Variants in AGPAT3 observed in about 807,000 individuals in gnomAD.
AGPAT3 encodes 1-acyl-sn-glycerol-3-phosphate acyltransferase gamma.
AGPAT3 carries 5 observed loss-of-function variants against 47.3 expected under a neutral mutation model. That is an observed-to-expected ratio of 0.11 (90% CI 0.06 to 0.22). The LOEUF is 0.22. Ranked by LOEUF, AGPAT3 falls within the 10% of genes least tolerant of loss-of-function variation. The pLI is 1.00. For missense variants in AGPAT3, 315 were observed against 493.0 expected (o/e 0.64, Z 3.42); for synonymous variants, 212 against 208.3 (o/e 1.02, Z -0.15).
intron 1 of AGPAT3, among the ~76,000 whole-genome samples, chr21:43,895,835 C>T (rs564681490): frequency 6.6e-6 from 1 of 152,044 alleles, no homozygotes; most frequent in Non-Finnish European, 1.5e-5. Flanking sequence ...GGCACAGTCT[C>T]GGCTCACTGC....
In AGPAT3 at chr21:43,973,716, G is replaced by A. The variant is rs1465620639; in HGVS notation, c.767+2226G>A. Reference sequence around the variant, plus strand: ...TTGAGGAGCAGCAGTGTCCCCGCGCGCCCCTGCAGCCGAGCCATCACAGCG... The same window carrying A: ...TTGAGGAGCAGCAGTGTCCCCGCGCACCCCTGCAGCCGAGCCATCACAGCG... On this transcript the variant is annotated intron_variant, in intron 7 of 9. Coordinates refer to ENST00000291572, the MANE Select transcript of AGPAT3 (RefSeq NM_020132.5). 3.9e-5 allele frequency among the ~76,000 whole-genome samples: 6 copies of A among 152,316 alleles called. No homozygotes were observed. In the East Asian group the frequency reaches 7.7e-4, roughly 20 times the overall value.
At chr21:43,942,397 TC>T (rs1169071223) in intron 2 of AGPAT3, among the ~76,000 whole-genome samples, 1 of 152,164 alleles carries the variant, frequency 6.6e-6, no homozygotes, top group Non-Finnish European at 1.5e-5. Flanking sequence ...GAGTCTGGCG[TC>T]CTTCACGAGG....
intron 7 of AGPAT3, among the ~76,000 whole-genome samples, chr21:43,972,288 G>A (rs1012232646): frequency 6.6e-6 from 1 of 152,162 alleles, no homozygotes; most frequent in Admixed American, 6.5e-5. Flanking sequence ...GGGATTACAG[G>A]TGCCCACTAC....
At chr21:43,941,251 C>T (rs2146368850) in intron 2 of AGPAT3, among the ~76,000 whole-genome samples, 1 of 152,334 alleles carries the variant, frequency 6.6e-6, no homozygotes, top group Non-Finnish European at 1.5e-5. Flanking sequence ...TGGCCAGGAG[C>T]TGCTTCTCTC....
At chr21:43,879,318 C>G (rs1601200158) in intron 1 of AGPAT3, among the ~76,000 whole-genome samples, 1 of 143,136 alleles carries the variant, frequency 7.0e-6, no homozygotes, top group Non-Finnish European at 1.5e-5. Flanking sequence ...CCACTGCACT[C>G]CAGCCTACAA....
intron 2 of AGPAT3, among the ~76,000 whole-genome samples, chr21:43,921,707 C>CGCTGGGT (rs1286495748): frequency 6.6e-6 from 1 of 152,160 alleles, no homozygotes; most frequent in Non-Finnish European, 1.5e-5. Flanking sequence ...GAAGTCACTT[C>CGCTGGGT]GCTGGGTCCG....
chr21:43,865,743 C>T lies in AGPAT3; in HGVS notation c.-112+398C>T, dbSNP rs576472585. Among the ~76,000 whole-genome samples the T allele has an allele frequency of 1.3e-3, 199 of 151,794 alleles. 1 individual carries two copies. The highest frequency in any genetic ancestry group is 3.4e-3 in the Middle Eastern group (1 of 290). On this transcript the variant is annotated intron_variant, in intron 1 of 9. Transcript: ENST00000291572. ...GTGGGTTCCCGCGGGGACGTCCCAT[C>T]CCTCCGTCCTGGACTCTGCTCCGGG...
intron 2 of AGPAT3, among the ~76,000 whole-genome samples, chr21:43,957,631 C>T (rs1190045853): frequency 6.8e-6 from 1 of 147,662 alleles, no homozygotes. Context: ...TCCCCCTGCA[C>T]ACAGGGATCT....
chr21:43,944,771 A>G (rs1176526811), intron 2 of AGPAT3, among the ~76,000 whole-genome samples: 1 of 152,248 alleles, frequency 6.6e-6, no homozygotes, highest in East Asian at 1.9e-4. Context: ...GAGGGAGCCC[A>G]GGAGGAGGTC....
Position 43,898,491 on chromosome 21 carries a change from G to A in AGPAT3, c.-111-5466G>A, listed in dbSNP as rs140866899. ...AGGACCTGCAAGCATCCTTACCTTC[G>A]TTAATGCCCCTTACAACTAATAGAC... is the stretch of plus-strand genomic sequence containing the variant. On this transcript the variant is annotated intron_variant, in intron 1 of 9. Coordinates refer to ENST00000291572, the MANE Select transcript of AGPAT3 (RefSeq NM_020132.5). Among the ~76,000 whole-genome samples the A allele has an allele frequency of 5.9e-3, 891 of 152,230 alleles. 29 individuals are homozygous for A. The highest frequency in any genetic ancestry group is 0.054 in the Admixed American group (830 of 15,290).
intron 7 of AGPAT3, 43 bp from the exon 8 acceptor site, chr21:43,978,003 C>T (rs2089684223): frequency 6.5e-7 from 1 of 1,532,314 alleles, no homozygotes; most frequent in African/African-American, 1.4e-5. Context: ...AGTGTGAGGT[C>T]ATGTGGTGAT....
chr21:43,979,415 C>T (rs2089761803), intron 8 of AGPAT3, among the ~76,000 whole-genome samples: 1 of 151,946 alleles, frequency 6.6e-6, no homozygotes, highest in African/African-American at 2.4e-5. Flanking sequence ...GCCAGCAGCA[C>T]CATGCCCACC....
At chr21:43,941,549 A>G (rs1337245280) in intron 2 of AGPAT3, among the ~76,000 whole-genome samples, 1 of 152,226 alleles carries the variant, frequency 6.6e-6, no homozygotes, top group Non-Finnish European at 1.5e-5. Flanking sequence ...CCCATCTCTA[A>G]AAAACAAACA....
intron 2 of AGPAT3, among the ~76,000 whole-genome samples, chr21:43,921,289 C>T (rs555510344): frequency 2.0e-4 from 31 of 152,282 alleles, no homozygotes; most frequent in Admixed American, 9.1e-4. Context: ...TGCTCCTCTC[C>T]GCCCAGCTGT....
rs1352883162 is a variant in AGPAT3 at position 43,970,963 on chromosome 21, CG to C, written c.664+158del. Among the ~76,000 whole-genome samples, 1 of 151,620 alleles carries C rather than the reference CG, an allele frequency of 6.6e-6. No homozygotes were observed. The highest frequency in any genetic ancestry group is 2.4e-5 in the African/African-American group (1 of 41,238). On this transcript the variant is annotated intron_variant, in intron 6 of 9. Transcript: ENST00000291572. This position sits in a 1 kb window ranked among gnomAD's most constrained non-coding sequence, Gnocchi z 5.8. ...GGGGGTCGGCGCCGCAAGGTTCCCG[CG>C]TCAGGTTTTGAGGTGATAAAATGCT...
rs911627662 is a variant in AGPAT3, at chr21:43,942,419, G to A, written c.-48-17215G>A. 1.4e-4 allele frequency among the ~76,000 whole-genome samples: 21 copies of A among 152,190 alleles called. 1 individual carries two copies. Among genetic ancestry groups the A allele is most frequent in the African/African-American group, 5.1e-4 (21 of 41,448 alleles). On this transcript the variant is annotated intron_variant, in intron 2 of 9. Coordinates refer to ENST00000291572, the MANE Select transcript of AGPAT3 (RefSeq NM_020132.5). ...GCGTCCTTCACGAGGCGCTCCTGAA[G>A]CACCTCTGCCTACCCTGCATTCGCC...
rs952357677 is a variant in AGPAT3 at position 43,985,817 on chromosome 21, G to A, written c.*3425G>A. On this transcript the variant is annotated 3_prime_UTR_variant, in exon 10 of 10. Transcript: ENST00000291572. ...TGTGGCTCACTGCATGCAGCCCCTG[G>A]CGTGCAATACTAGTGCTCCACGGCG... 6.4e-6 allele frequency: 1 copy of A among 155,914 alleles called. No homozygotes were observed. Among genetic ancestry groups the A allele is most frequent in the African/African-American group, 2.4e-5 (1 of 41,472 alleles). The allele number at this position is 155,914 out of a possible 1,614,324, so 9.7% of individuals were successfully genotyped here.
intron 2 of AGPAT3, among the ~76,000 whole-genome samples, chr21:43,925,639 C>G (rs766968249): frequency 6.6e-6 from 1 of 152,230 alleles, no homozygotes; most frequent in Non-Finnish European, 1.5e-5. Context: ...CCAGCCCCAG[C>G]GCCTCCAGCT....
chr21:43,955,325 G>A lies in AGPAT3; in HGVS notation c.-48-4309G>A. 9.9e-7 allele frequency: 1 copy of A among 1,008,660 alleles called. No homozygotes were observed. The highest frequency in any genetic ancestry group is 1.3e-6 in the Non-Finnish European group (1 of 796,118). 62.5% of individuals were successfully genotyped at this position (1,008,660 alleles called of 1,614,324 possible). On this transcript the variant is annotated intron_variant, in intron 2 of 9. Transcript: ENST00000291572. This position sits in a 1 kb window ranked among gnomAD's most constrained non-coding sequence, Gnocchi z 4.1. The stretch of plus-strand genomic sequence containing the variant: ...GACTTGGATGGAAATGTTCCCTGTT[G>A]CAGTGTGGTGGGGTCACAGGCGGCT...
Sources: gnomAD v4.1 joint callset for allele counts (sites outside exome capture counted in the v4.1 genomes callset) on GRCh38, gnomAD v4.1.1 for gene constraint, Gnocchi (gnomAD v3.1) non-coding constraint, MANE v1.5 for transcripts, NCBI Gene and HGNC (gene_info 2026-07-23, HGNC 2026-07-21) for gene names.